Variants in ZNF707 observed in about 807,000 individuals in gnomAD.
ZNF707 encodes zinc finger protein 707.
A neutral mutation model predicts 13.3 loss-of-function variants in ZNF707; 8 were observed. The observed-to-expected ratio is 0.60, with a 90% CI of 0.35 to 1.09. The LOEUF (loss-of-function observed/expected upper bound fraction) is 1.09, where lower values mean the gene tolerates loss of function less well. Ranked by LOEUF, ZNF707 falls within the 50% of genes least tolerant of loss-of-function variation. ZNF707 has a pLI of 0.02. For synonymous variants in ZNF707, 225 were observed against 205.6 expected, an observed-to-expected ratio of 1.09 and a Z score of -0.81; for missense variants, 530 against 512.6, an observed-to-expected ratio of 1.03 and a Z score of -0.33.
intron 1 of ZNF707, among the ~76,000 whole-genome samples, chr8:143,686,239 T>G (rs1816257175): frequency 6.6e-6 from 1 of 152,036 alleles, no homozygotes; most frequent in South Asian, 2.1e-4. Flanking sequence ...CCTGGCTAAT[T>G]TTTTGCATTT....
At position 143,693,590 on chromosome 8, in the gene ZNF707, C is replaced by G; in HGVS notation, c.257-81C>G. 7.0e-7 allele frequency: 1 copy of G among 1,437,922 alleles called. No homozygotes were observed. The highest frequency in any genetic ancestry group is 9.2e-7 in the Non-Finnish European group (1 of 1,090,598). The allele number at this position is 1,437,922 out of a possible 1,614,324, so 89.1% of individuals were successfully genotyped here. A position where few individuals can be genotyped will look rare whatever the true frequency, so the allele number is the denominator to read the frequency against. On this transcript the variant is annotated intron_variant, in intron 5 of 5. Coordinates refer to ENST00000358656, the MANE Select transcript of ZNF707 (RefSeq NM_001100598.2). The surrounding 1 kb of genome is among the most constrained non-coding windows in gnomAD (Gnocchi z 4.1). ...GATTACAGGCGTGAGCCACCGCGCC[C>G]GGCCTCCTCTGGGCTTTGCTGGAGG...
intron 1 of ZNF707, among the ~76,000 whole-genome samples, chr8:143,685,528 TAAAAAA>T (rs71318618): frequency 7.8e-6 from 1 of 128,310 alleles, no homozygotes; most frequent in African/African-American, 2.9e-5. Flanking sequence ...ATCATCTTAT[TAAAAAA>T]AAAAAAAAAA....
In ZNF707 at chr8:143,693,138, A is replaced by G. The variant is rs1554614087; in HGVS notation, c.257-533A>G. 6.6e-6 allele frequency among the ~76,000 whole-genome samples: 1 copy of G among 152,136 alleles called. No homozygotes were observed. The highest frequency in any genetic ancestry group is 1.5e-5 in the Non-Finnish European group (1 of 68,006). The stretch of plus-strand genomic sequence containing the variant: ...TGCGTACCACCGGGGCTGGGGAAGC[A>G]TCTGAGCTCATCTTGGCTTCCGCTG... On this transcript the variant is annotated intron_variant, in intron 5 of 5. Transcript: ENST00000358656. The surrounding 1 kb of genome is among the most constrained non-coding windows in gnomAD (Gnocchi z 4.1).
At position 143,693,701 on chromosome 8, in the gene ZNF707, C is replaced by G; in HGVS notation, c.287C>G (p.Pro96Arg). Reference protein sequence around the residue: ...GARKSADPKRPCDHPAWAHKK... With the variant: ...GARKSADPKRRCDHPAWAHKK... ...AGGAAGTCTGCAGACCCCAAGAGAC[C>G]TTGTGATCATCCAGCTTGGGCTCAC... The change falls in exon 6 of 6, where the codon CCT becomes CGT. Residue 96 changes from proline (P) to arginine (R), a missense_variant. By Grantham distance (103) the Pro-to-Arg change is moderately radical. Transcript: ENST00000358656. The surrounding 1 kb of genome is among the most constrained non-coding windows in gnomAD (Gnocchi z 4.1). The G allele has an allele frequency of 1.2e-6, 2 of 1,606,244 alleles. No individual in the cohort carries two copies. Among genetic ancestry groups the G allele is most frequent in the Non-Finnish European group, 1.7e-6 (2 of 1,176,516 alleles).
Position 143,693,071 on chromosome 8 carries a change from G to A in ZNF707, c.257-600G>A, listed in dbSNP as rs950270258. Among the ~76,000 whole-genome samples the A allele has an allele frequency of 1.8e-4, 27 of 152,156 alleles. No individual in the cohort carries two copies. Among genetic ancestry groups the A allele is most frequent in the Non-Finnish European group, 3.2e-4 (22 of 68,008 alleles). On this transcript the variant is annotated intron_variant, in intron 5 of 5. Transcript: ENST00000358656. The surrounding 1 kb of genome is among the most constrained non-coding windows in gnomAD (Gnocchi z 4.1). ...CCCAGTTGCTTCTGTTGGTTGGCAG[G>A]CATGTGTCGGCTCTCCCTCACGTCA...
In ZNF707 at chr8:143,693,079, C is replaced by T. The variant is rs534098255; in HGVS notation, c.257-592C>T. On this transcript the variant is annotated intron_variant, in intron 5 of 5. Transcript: ENST00000358656. The surrounding 1 kb of genome is among the most constrained non-coding windows in gnomAD (Gnocchi z 4.1). ...CTTCTGTTGGTTGGCAGGCATGTGT[C>T]GGCTCTCCCTCACGTCAGCAGTGCC... Among the ~76,000 whole-genome samples, 6 of 152,274 alleles carry T rather than the reference C, an allele frequency of 3.9e-5. No homozygotes were observed. The highest frequency in any genetic ancestry group is 2.1e-4 in the South Asian group (1 of 4,828).
intron 5 of ZNF707, among the ~76,000 whole-genome samples, chr8:143,692,804 C>T: frequency 1.5e-5 from 1 of 64,678 alleles, no homozygotes; most frequent in East Asian, 4.8e-4. Flanking sequence ...GTGTCGCATC[C>T]CCGGGTGTGT....
At position 143,690,040 on chromosome 8, in the gene ZNF707, A is replaced by C; in HGVS notation, c.-52-17A>C. 1 of 1,604,458 alleles carries C rather than the reference A, an allele frequency of 6.2e-7. No individual in the cohort carries two copies. The highest frequency in any genetic ancestry group is 1.7e-5 in the Admixed American group (1 of 59,926). On this transcript the variant is annotated splice_polypyrimidine_tract_variant and intron_variant, in intron 2 of 5. Transcript: ENST00000358656. ...TCCCAGGCCGGCTATACCCGCTTACATTTCTTGTCTCCCCAGATCTGCCCT... is the reference window on the plus strand; with the variant it reads ...TCCCAGGCCGGCTATACCCGCTTACCTTTCTTGTCTCCCCAGATCTGCCCT...
chr8:143,689,589 G>C (rs1466325708), intron 2 of ZNF707, among the ~76,000 whole-genome samples: 10 of 152,196 alleles, frequency 6.6e-5, no homozygotes, highest in Admixed American at 6.5e-4. Context: ...TTTTCACTTG[G>C]GGGAAGGCTG....
Position 143,694,341 on chromosome 8 carries a change from C to G in ZNF707, c.927C>G (p.Val309=). ...AGAACCTCAGCCACCACCAGAGGGT[C>G]CACAGCGGGGAGAAGCCCTACACCT... The part of the protein sequence containing the change: ...TKENLSHHQR[V]HSGEKPYTCA... The change falls in exon 6 of 6, where the codon GTC becomes GTG. Residue 309 remains valine, a synonymous_variant. Coordinates refer to ENST00000358656, the MANE Select transcript of ZNF707 (RefSeq NM_001100598.2). This position sits in a 1 kb window ranked among gnomAD's most constrained non-coding sequence, Gnocchi z 4.4. The G allele has an allele frequency of 6.2e-7, 1 of 1,607,946 alleles. No individual in the cohort carries two copies. The highest frequency in any genetic ancestry group is 8.5e-7 in the Non-Finnish European group (1 of 1,176,464).
intron 1 of ZNF707, 65 bp from the exon 2 acceptor site, chr8:143,689,139 C>T (rs1459482456): frequency 6.6e-6 from 1 of 152,142 alleles, no homozygotes; most frequent in African/African-American, 2.4e-5. Flanking sequence ...AGATGGAAGG[C>T]TTCCCTTTCT....
chr8:143,688,635 CTTTTTTTTTTTTT>C (rs34379518), intron 1 of ZNF707: 1 of 88,486 alleles, frequency 1.1e-5, no homozygotes, highest in Non-Finnish European at 2.2e-5. Flanking sequence ...TTTGTAATAT[CTTTTTTTTTTTTT>C]TTTTTTTTTT....
rs1554614704 is a variant in ZNF707, at chr8:143,694,301, C to A, written c.887C>A (p.Ala296Asp). ...RPFYCADCGK[A>D]FRTKENLSHH... ...TTCTACTGCGCGGACTGCGGCAAAGCCTTCCGGACCAAGGAGAACCTCAGC... is the reference window on the plus strand; with the variant it reads ...TTCTACTGCGCGGACTGCGGCAAAGACTTCCGGACCAAGGAGAACCTCAGC... Residue 296 changes from alanine (A) to aspartate (D), a missense_variant, in exon 6 of 6, where the codon GCC (alanine) becomes GAC (aspartate). Physicochemically the swap from Ala to Asp is moderately radical, Grantham distance 126. Transcript: ENST00000358656. This position sits in a 1 kb window ranked among gnomAD's most constrained non-coding sequence, Gnocchi z 4.4. 1 of 1,599,182 alleles carries A rather than the reference C, an allele frequency of 6.3e-7. No homozygotes were observed. The highest frequency in any genetic ancestry group is 8.5e-7 in the Non-Finnish European group (1 of 1,171,072).
rs375404710 is a variant in ZNF707, at chr8:143,690,310, G to T, written c.15+187G>T. The T allele has an allele frequency of 1.4e-5, 9 of 663,844 alleles. No homozygotes were observed. In the South Asian group the frequency reaches 1.6e-4, roughly 12 times the overall value. The allele number at this position is 663,844 out of a possible 1,614,324, so 41.1% of individuals were successfully genotyped here. On this transcript the variant is annotated intron_variant, in intron 3 of 5. Transcript: ENST00000358656. ...ATTGGGGCCAGGCGCAATGCCTCAC[G>T]CCTGTAATCCTAGCACTTTGGGAGG... is the stretch of plus-strand genomic sequence containing the variant.
intron 1 of ZNF707, chr8:143,684,781 C>T (rs974023623): frequency 3.9e-5 from 6 of 152,470 alleles, no homozygotes; most frequent in African/African-American, 1.4e-4. Context: ...GTTGCGTATC[C>T]TCTTGAAGCT....
At chr8:143,691,805 T>C in intron 5 of ZNF707, 92 bp downstream of exon 5, 1 of 1,185,226 alleles carries the variant, frequency 8.4e-7, no homozygotes, top group Non-Finnish European at 1.2e-6. Context: ...ACCAAGGGTG[T>C]GTCCTTCCCA....
chr8:143,691,290 T>C, intron 4 of ZNF707, 91 bp downstream of exon 4: 3 of 1,498,992 alleles, frequency 2.0e-6, no homozygotes, highest in Non-Finnish European at 2.7e-6. Context: ...AGGACAGTAG[T>C]GGGGCCTCCC....
At chr8:143,684,907 GATTC>G (rs1324838942) in intron 1 of ZNF707, 7 of 152,408 alleles carry the variant, frequency 4.6e-5, no homozygotes, top group African/African-American at 1.4e-4. Context: ...GCTTAGACTT[GATTC>G]ATAACACCCA....
rs781800394 is a variant in ZNF707, at chr8:143,694,776, G to A, written c.*246G>A. 1.6e-5 allele frequency: 8 copies of A among 498,358 alleles called. No individual in the cohort carries two copies. Among genetic ancestry groups the A allele is most frequent in the Middle Eastern group, 5.3e-4 (1 of 1,904 alleles). The allele number at this position is 498,358 out of a possible 1,614,324, so 30.9% of individuals were successfully genotyped here. On this transcript the variant is annotated 3_prime_UTR_variant, in exon 6 of 6. Coordinates refer to ENST00000358656, the MANE Select transcript of ZNF707 (RefSeq NM_001100598.2). This position sits in a 1 kb window ranked among gnomAD's most constrained non-coding sequence, Gnocchi z 4.4. ...TGGCGGGGGCTGCGCCCCGGCGCCG[G>A]GCATCCTGGGGATGTGCTGAGAGTG...
Sources: gnomAD v4.1 joint callset for allele counts (sites outside exome capture counted in the v4.1 genomes callset) on GRCh38, gnomAD v4.1.1 for gene constraint, Gnocchi (gnomAD v3.1) non-coding constraint, MANE v1.5 for transcripts, NCBI Gene and HGNC (gene_info 2026-07-23, HGNC 2026-07-21) for gene names.